Variants in ZEB1 observed in about 807,000 individuals in gnomAD.
ZEB1 encodes zinc finger E-box-binding homeobox 1.
ZEB1 carries 21 observed loss-of-function variants against 84.9 expected under a neutral mutation model. That is an observed-to-expected ratio of 0.25 (90% CI 0.18 to 0.36). ZEB1 has a LOEUF of 0.36. Among genes scored for constraint, ZEB1 ranks in the 10% least tolerant of loss-of-function variants. The probability of loss-of-function intolerance (pLI) is 1.00; values close to 1 mark genes in which losing one functional copy is unlikely to be tolerated. For synonymous variants in ZEB1, 420 were observed against 471.1 expected (o/e 0.89, Z 1.41); for missense variants, 1,104 against 1,330.2 (o/e 0.83, Z 2.65).
chr10:31,467,056 T>C (rs775393455), intron 2 of ZEB1, among the ~76,000 whole-genome samples: 1 of 151,960 alleles, frequency 6.6e-6, no homozygotes, highest in Non-Finnish European at 1.5e-5. Flanking sequence ...ATGACAGACA[T>C]GATTGAAGAA....
In ZEB1 at chr10:31,428,660, AGTTTCCCACTATTACT is replaced by A. The variant is rs377601429; in HGVS notation, c.59-32374_59-32359del. ...ATCTCATATTGTGAGTAGAGTGTTAAGTTTCCCACTATTACTGTATGAGAGTCTCAGTCTCTTTGAA... is the reference window on the plus strand; with the variant it reads ...ATCTCATATTGTGAGTAGAGTGTTAAGTATGAGAGTCTCAGTCTCTTTGAA... On this transcript the variant is annotated intron_variant, in intron 1 of 8. Coordinates refer to ENST00000424869, the MANE Select transcript of ZEB1 (RefSeq NM_001174096.2). Among the ~76,000 whole-genome samples the A allele has an allele frequency of 6.8e-4, 103 of 152,288 alleles. 2 individuals carry two copies. The highest frequency in any genetic ancestry group is 2.4e-3 in the African/African-American group (100 of 41,560).
intron 1 of ZEB1, among the ~76,000 whole-genome samples, chr10:31,406,661 T>C (rs1364783501): frequency 3.3e-5 from 5 of 152,196 alleles, no homozygotes; most frequent in Non-Finnish European, 5.9e-5. Context: ...ACTCTGATGA[T>C]AGTTTCTTTT....
At chr10:31,320,945 GA>G (rs2033853861) in intron 1 of ZEB1, among the ~76,000 whole-genome samples, 1 of 152,202 alleles carries the variant, frequency 6.6e-6, no homozygotes, top group Non-Finnish European at 1.5e-5. Context: ...GCTATATAAG[GA>G]ATTACACGTA....
At chr10:31,464,516 C>G (rs1001498034) in intron 2 of ZEB1, among the ~76,000 whole-genome samples, 2 of 152,154 alleles carry the variant, frequency 1.3e-5, no homozygotes, top group African/African-American at 2.4e-5. Context: ...ACTACAGATT[C>G]AAAAAGCCCA....
chr10:31,328,622 G>A (rs975403769), intron 1 of ZEB1, among the ~76,000 whole-genome samples: 3 of 152,068 alleles, frequency 2.0e-5, no homozygotes, highest in Non-Finnish European at 2.9e-5. Context: ...GGACAAAGCT[G>A]TTAAATGATC....
intron 1 of ZEB1, among the ~76,000 whole-genome samples, chr10:31,324,501 A>G (rs1309103680): frequency 1.3e-5 from 2 of 152,038 alleles, no homozygotes; most frequent in Non-Finnish European, 2.9e-5. Flanking sequence ...ACTCTTAACT[A>G]CCTGTATTGA....
At chr10:31,449,780 G>A (rs890803774) in intron 1 of ZEB1, among the ~76,000 whole-genome samples, 2 of 151,994 alleles carry the variant, frequency 1.3e-5, no homozygotes, top group South Asian at 4.1e-4. Flanking sequence ...ATTTTCCTGA[G>A]TATTTTAATG....
At chr10:31,482,740 AGTAT>A (rs1272909340) in intron 2 of ZEB1, among the ~76,000 whole-genome samples, 1 of 152,056 alleles carries the variant, frequency 6.6e-6, no homozygotes, top group Non-Finnish European at 1.5e-5. Context: ...GGGCTTTGTT[AGTAT>A]GTATTACCTG....
chr10:31,425,447 G>T (rs1330984169), intron 1 of ZEB1, among the ~76,000 whole-genome samples: 1 of 151,986 alleles, frequency 6.6e-6, no homozygotes, highest in Non-Finnish European at 1.5e-5. Context: ...AAAGAACGTG[G>T]TTGGGAAAAC....
At chr10:31,401,208 T>C (rs915647512) in intron 1 of ZEB1, among the ~76,000 whole-genome samples, 3 of 152,218 alleles carry the variant, frequency 2.0e-5, no homozygotes, top group Non-Finnish European at 2.9e-5. Flanking sequence ...ACAATAATTT[T>C]GTCAGTGACA....
chr10:31,459,631 A>G (rs911285589), intron 1 of ZEB1, among the ~76,000 whole-genome samples: 2 of 152,064 alleles, frequency 1.3e-5, no homozygotes, highest in African/African-American at 4.8e-5. Context: ...TTAATGGCAT[A>G]ACAAAACTTG....
Position 31,520,656 on chromosome 10 carries a change from C to G in ZEB1, c.1324C>G (p.Gln442Glu). The change falls in exon 7 of 9, where the codon CAA becomes GAA. Residue 442 changes from glutamine to glutamate, a missense_variant. Around this residue, in one of 7 missense-constraint regions of ZEB1, gnomAD observed 531 missense variants for 575.2 expected, o/e 0.92. Transcript: ENST00000424869. This position sits in a 1 kb window ranked among gnomAD's most constrained non-coding sequence, Gnocchi z 5.1. ...NNQANLASKE[Q>E]ETINASPIQQ... ...TCAAGCCAATCTTGCATCCAAAGAA[C>G]AAGAAACAATCAATGCTTCACCCAT... 2 of 1,613,994 alleles carry G rather than the reference C, an allele frequency of 1.2e-6. No individual in the cohort carries two copies. The highest frequency in any genetic ancestry group is 1.7e-6 in the Non-Finnish European group (2 of 1,179,968).
At chr10:31,420,439 C>T (rs161257) in intron 1 of ZEB1, among the ~76,000 whole-genome samples, 1 of 152,100 alleles carries the variant, frequency 6.6e-6, no homozygotes, top group Non-Finnish European at 1.5e-5. Flanking sequence ...GGTTGCTTCT[C>T]TCCACAGGCA....
At chr10:31,479,067 A>G (rs572636543) in intron 2 of ZEB1, among the ~76,000 whole-genome samples, 1 of 151,980 alleles carries the variant, frequency 6.6e-6, no homozygotes, top group East Asian at 1.9e-4. Flanking sequence ...GTACACTACA[A>G]CTGATACTAA....
At chr10:31,376,598 A>G (rs2046663687) in intron 1 of ZEB1, among the ~76,000 whole-genome samples, 1 of 151,768 alleles carries the variant, frequency 6.6e-6, no homozygotes, top group Non-Finnish European at 1.5e-5. Flanking sequence ...GTTGGGCTCC[A>G]GAGTCATACT....
intron 1 of ZEB1, among the ~76,000 whole-genome samples, chr10:31,386,524 C>T (rs1447003010): frequency 6.6e-6 from 1 of 151,874 alleles, no homozygotes; most frequent in Non-Finnish European, 1.5e-5. Context: ...TTTCTATGTA[C>T]CAGGACCTAT....
At chr10:31,348,748 CAAAA>C (rs781324912) in intron 1 of ZEB1, among the ~76,000 whole-genome samples, 23 of 148,632 alleles carry the variant, frequency 1.5e-4, no homozygotes, top group South Asian at 4.2e-4. Context: ...TGACTCAAGC[CAAAA>C]AAAAAGTATG....
At chr10:31,360,959 C>T (rs2042938343) in intron 1 of ZEB1, 9 of 1,601,114 alleles carry the variant, frequency 5.6e-6, no homozygotes, top group East Asian at 2.2e-5. Context: ...CTAACTATGG[C>T]GACCGCCACG....
At chr10:31,468,648 T>C (rs1198076699) in intron 2 of ZEB1, among the ~76,000 whole-genome samples, 2 of 152,134 alleles carry the variant, frequency 1.3e-5, no homozygotes, top group Admixed American at 6.5e-5. Context: ...AGAAAACAAC[T>C]ACACTAAGGC....
Sources: gnomAD v4.1 joint callset for allele counts (sites outside exome capture counted in the v4.1 genomes callset) on GRCh38, gnomAD v4.1.1 for gene constraint, gnomAD v4.1.1 regional missense constraint, Gnocchi (gnomAD v3.1) non-coding constraint, MANE v1.5 for transcripts, NCBI Gene and HGNC (gene_info 2026-07-23, HGNC 2026-07-21) for gene names.